DCTN1: variants seen among roughly 807,000 people sequenced by gnomAD.
The protein encoded by DCTN1 is 150 kDa dynein-associated polypeptide.
DCTN1 carries 61 observed loss-of-function variants against 161.2 expected under a neutral mutation model. The observed-to-expected ratio is 0.38, with a 90% CI of 0.31 to 0.47. The LOEUF (loss-of-function observed/expected upper bound fraction) is 0.47. DCTN1 is among the 20% of genes least tolerant of loss of function. The pLI, the probability that DCTN1 is intolerant of heterozygous loss-of-function variation, is 0.99. For missense variants in DCTN1, 1,404 were observed against 1,623.7 expected, an observed-to-expected ratio of 0.86 and a Z score of 2.33; for synonymous variants, 653 against 632.4, an observed-to-expected ratio of 1.03 and a Z score of -0.49.
At chr2:74,382,641 G>C (rs938399401), upstream of DCTN1, among the ~76,000 whole-genome samples, 59 of 145,144 alleles carry the variant, frequency 4.1e-4, 1 homozygote, top group African/African-American at 1.4e-3. Context: ...AGAAATTATA[G>C]AACTGCAAAG....
intron 25 of DCTN1, 40 bp from the exon 26 acceptor site, chr2:74,365,281 T>C (rs2104408050): frequency 6.2e-7 from 1 of 1,612,000 alleles, no homozygotes. Flanking sequence ...GTCCCTTCTC[T>C]AAAGCACTCC....
chr2:74,371,793 A>C (rs1480432867), intron 7 of DCTN1, 65 bp from the exon 8 acceptor site: 3 of 1,330,782 alleles, frequency 2.3e-6, no homozygotes, highest in Non-Finnish European at 3.2e-6. Context: ...AGAGGAACAG[A>C]AACAGAATAT....
intron 5 of DCTN1, among the ~76,000 whole-genome samples, chr2:74,376,255 G>A (rs1558947572): frequency 6.6e-6 from 1 of 152,076 alleles, no homozygotes. Context: ...CCCATCCACA[G>A]GCAGGCACAT....
rs1334024799 is a variant in DCTN1, at chr2:74,363,374, C to T, written c.3265G>A (p.Asp1089Asn). 1 of 1,612,362 alleles carries T rather than the reference C, an allele frequency of 6.2e-7. No homozygotes were observed. Among genetic ancestry groups the T allele is most frequent in the South Asian group, 1.1e-5 (1 of 90,646 alleles). ...ATCTGCTGAAGCAGCAGTGGTGAGT[C>T]CTTCACCAGCCCTGGGCCTGGCACA... ...GSVPGPGLVK[D>N]SPLLLQQISA... The change falls in exon 28 of 32, where the codon GAC becomes AAC. Residue 1089 changes from aspartate (D) to asparagine (N), a missense_variant. Physicochemically the swap from Asp to Asn is conservative, Grantham distance 23. Around this residue, in one of 9 missense-constraint regions of DCTN1, gnomAD observed 311 missense variants for 298.9 expected, o/e 1.04. Coordinates refer to ENST00000628224, the MANE Select transcript of DCTN1 (RefSeq NM_004082.5).
Position 74,369,534 on chromosome 2 carries a change from C to T in DCTN1, c.1393-43G>A, listed in dbSNP as rs751686863. 9.4e-6 allele frequency: 15 copies of T among 1,596,376 alleles called. No homozygotes were observed. Among genetic ancestry groups the T allele is most frequent in the Admixed American group, 6.7e-5 (4 of 59,990 alleles). ...AGTTTGGGCTAAAGAAAGGCAGGGT[C>T]GGCCAGCGGCGGTGGTTCACACCTG... On this transcript the variant is annotated intron_variant, in intron 13 of 31. Coordinates refer to ENST00000628224, the MANE Select transcript of DCTN1 (RefSeq NM_004082.5). The surrounding 1 kb of genome is among the most constrained non-coding windows in gnomAD (Gnocchi z 4.9).
Position 74,380,084 on chromosome 2 carries a change from A to T in DCTN1, c.-47T>A. Reference sequence around the variant, plus strand: ...CCCTCCCCCAGCTGGCCAAAGACAGAGAGAAAAGGTAGAAACCTAGGCAGG... The same window carrying T: ...CCCTCCCCCAGCTGGCCAAAGACAGTGAGAAAAGGTAGAAACCTAGGCAGG... On this transcript the variant is annotated 5_prime_UTR_variant, in exon 1 of 32. Coordinates refer to ENST00000628224, the MANE Select transcript of DCTN1 (RefSeq NM_004082.5). 6.2e-7 allele frequency: 1 copy of T among 1,611,590 alleles called. No homozygotes were observed. The highest frequency in any genetic ancestry group is 8.5e-7 in the Non-Finnish European group (1 of 1,178,326).
intron 7 of DCTN1, 125 bp from the exon 8 acceptor site, chr2:74,371,853 G>C: frequency 1.3e-6 from 1 of 763,250 alleles, no homozygotes; most frequent in Non-Finnish European, 2.2e-6. Context: ...CAGAAAGAGA[G>C]TATCAAAGCA....
At chr2:74,387,754 C>T (rs1407484917) in intron 1 of DCTN1, among the ~76,000 whole-genome samples, 1 of 148,082 alleles carries the variant, frequency 6.8e-6, no homozygotes, top group Admixed American at 6.6e-5. Context: ...CCCGATGTCC[C>T]TGAACCAGGT....
chr2:74,367,952 G>C lies in DCTN1; in HGVS notation c.2015+19C>G, dbSNP rs1674548607. On this transcript the variant is annotated intron_variant, in intron 17 of 31. Coordinates refer to ENST00000628224, the MANE Select transcript of DCTN1 (RefSeq NM_004082.5). The stretch of plus-strand genomic sequence containing the variant: ...TCCTGGACCCCCACCCTGGGGTGAG[G>C]GAGTCAGGAGTCACTTACTGCTCAT... 1 of 1,614,218 alleles carries C rather than the reference G, an allele frequency of 6.2e-7. No individual in the cohort carries two copies. The highest frequency in any genetic ancestry group is 8.5e-7 in the Non-Finnish European group (1 of 1,180,044).
At chr2:74,363,222 C>A in intron 28 of DCTN1, 45 bp from the exon 29 acceptor site, 1 of 1,614,080 alleles carries the variant, frequency 6.2e-7, no homozygotes, top group Non-Finnish European at 8.5e-7. Flanking sequence ...TGCTAGGAGG[C>A]CCCTGTCATC....
chr2:74,368,443 A>C lies in DCTN1; in HGVS notation c.1854+285T>G, dbSNP rs777247288. 5 of 611,946 alleles carry C rather than the reference A, an allele frequency of 8.2e-6. No homozygotes were observed. In the Admixed American group the frequency reaches 1.2e-4, roughly 14 times the overall value. The allele number at this position is 611,946 out of a possible 1,614,324, so 37.9% of individuals were successfully genotyped here. A position where few individuals can be genotyped will look rare whatever the true frequency, so the allele number is the denominator to read the frequency against. ...AATGCTATCCTGCCCATCATCCCCA[A>C]GGTTAACCCCTAGGCACCTCCTGGC... On this transcript the variant is annotated intron_variant, in intron 16 of 31. Transcript: ENST00000628224.
intron 5 of DCTN1, chr2:74,374,690 G>A: frequency 1.7e-6 from 2 of 1,197,794 alleles, no homozygotes; most frequent in East Asian, 5.5e-5. Flanking sequence ...AGCTCCACCT[G>A]ACGTCATGCA....
At chr2:74,363,468 AG>A (rs757659820) in intron 27 of DCTN1, 41 bp from the exon 28 acceptor site, 3 of 1,609,470 alleles carry the variant, frequency 1.9e-6, no homozygotes, top group Non-Finnish European at 2.5e-6. Context: ...CCAAGTGGAA[AG>A]GGTTGAAAAT....
intron 5 of DCTN1, among the ~76,000 whole-genome samples, chr2:74,375,272 T>C (rs921406200): frequency 5.3e-5 from 8 of 152,200 alleles, no homozygotes; most frequent in African/African-American, 7.2e-5. Flanking sequence ...CAAAAAGAAC[T>C]AGGCACTTTG....
chr2:74,370,202 T>A lies in DCTN1; in HGVS notation c.1271A>T (p.Asp424Val). The A allele has an allele frequency of 6.2e-7, 1 of 1,613,902 alleles. No homozygotes were observed. Among genetic ancestry groups the A allele is most frequent in the Non-Finnish European group, 8.5e-7 (1 of 1,180,020 alleles). ...EELSQAESTI[D>V]ELKEQVDAAL... Reference sequence around the variant, plus strand: ...TCCCCAGACCTGCTCCTTGAGCTCATCAATGGTGCTCTCTGCCTGGCTTAG... The same window carrying A: ...TCCCCAGACCTGCTCCTTGAGCTCAACAATGGTGCTCTCTGCCTGGCTTAG... The change falls in exon 12 of 32, where the codon GAT becomes GTT. Residue 424 changes from aspartate to valine, a missense_variant. Coordinates refer to ENST00000628224, the MANE Select transcript of DCTN1 (RefSeq NM_004082.5). This position sits in a 1 kb window ranked among gnomAD's most constrained non-coding sequence, Gnocchi z 4.4.
chr2:74,371,329 T>C, intron 8 of DCTN1, 153 bp from the exon 9 acceptor site: 5 of 1,527,876 alleles, frequency 3.3e-6, no homozygotes, highest in South Asian at 1.1e-5. Context: ...GAGGAAACCG[T>C]AGCACAGTAT....
In DCTN1 at chr2:74,368,550, C is replaced by T. The variant is rs1674592941; in HGVS notation, c.1854+178G>A. 4.7e-6 allele frequency: 4 copies of T among 844,254 alleles called. No homozygotes were observed. The South Asian group carries it at 4.9e-5, about 10-fold the overall frequency. The allele number at this position is 844,254 out of a possible 1,614,324, so 52.3% of individuals were successfully genotyped here. A position where few individuals can be genotyped will look rare whatever the true frequency, so the allele number is the denominator to read the frequency against. ...AATTGTGCTCTCTCACAGAACCTAT[C>T]TCTCCTTGAAAACACACCATTTGTA... On this transcript the variant is annotated intron_variant, in intron 16 of 31. Transcript: ENST00000628224.
At chr2:74,381,737 A>G (rs1208511472), upstream of DCTN1, among the ~76,000 whole-genome samples, 1 of 152,190 alleles carries the variant, frequency 6.6e-6, no homozygotes, top group Non-Finnish European at 1.5e-5. Flanking sequence ...CTAGTTACTT[A>G]ACATCTCTAT....
Position 74,366,374 on chromosome 2 carries a change from A to T in DCTN1, c.2630T>A (p.Ile877Asn). 6.2e-7 allele frequency: 1 copy of T among 1,614,096 alleles called. No individual in the cohort carries two copies. Among genetic ancestry groups the T allele is most frequent in the Non-Finnish European group, 8.5e-7 (1 of 1,180,020 alleles). Residue 877 changes from isoleucine to asparagine, a missense_variant and splice_region_variant, in exon 23 of 32, where the codon ATC becomes AAC. Around this residue, in one of 9 missense-constraint regions of DCTN1, gnomAD observed 475 missense variants for 489.8 expected, o/e 0.97. Coordinates refer to ENST00000628224, the MANE Select transcript of DCTN1 (RefSeq NM_004082.5). ...GGGGCTGCTGGAGGGGGTCCCATAG[A>T]TCTGCAGGAGCCAAGGGCAGAAGTA... is the stretch of plus-strand genomic sequence containing the variant. ...EELAFKASEQ[I>N]YGTPSSSPYE... is the part of the protein sequence containing the mutation.
Sources: allele counts gnomAD v4.1 joint callset (sites outside exome capture counted in the v4.1 genomes callset), GRCh38; gene constraint gnomAD v4.1.1; regional missense constraint gnomAD v4.1.1; non-coding constraint Gnocchi (gnomAD v3.1); transcripts MANE v1.5; gene names NCBI Gene and HGNC (gene_info 2026-07-23, HGNC 2026-07-21).